Variants in UNC13C observed in about 807,000 individuals in gnomAD.
UNC13C encodes the protein protein unc-13 homolog C.
UNC13C carries 174 observed loss-of-function variants against 245.4 expected under a neutral mutation model. The ratio of observed to expected loss-of-function variants is 0.71; its 90% CI spans 0.63 to 0.80. The LOEUF (loss-of-function observed/expected upper bound fraction) is 0.80, where lower values mean the gene tolerates loss of function less well. Ranked by LOEUF, UNC13C falls within the 30% of genes least tolerant of loss-of-function variation. The probability of loss-of-function intolerance (pLI) is 0.00; values close to 1 mark genes in which losing one functional copy is unlikely to be tolerated. For synonymous variants in UNC13C, 992 were observed against 895.1 expected (o/e 1.11, Z -1.93); for missense variants, 2,829 against 2,602.9 (o/e 1.09, Z -1.89).
downstream of UNC13C, chr15:54,628,695 T>C (rs1566949971): frequency 6.6e-6 from 1 of 152,356 alleles, no homozygotes; most frequent in South Asian, 2.1e-4. Flanking sequence ...TGACCATATG[T>C]AATAGTCTTC....
intron 4 of UNC13C, among the ~76,000 whole-genome samples, chr15:54,229,310 C>A (rs2035483376): frequency 6.6e-6 from 1 of 152,100 alleles, no homozygotes; most frequent in Non-Finnish European, 1.5e-5. Flanking sequence ...GAAGTTAAAA[C>A]CAAGTATTAT....
intron 19 of UNC13C, among the ~76,000 whole-genome samples, chr15:54,458,522 A>G (rs1308131288): frequency 2.6e-5 from 4 of 151,978 alleles, no homozygotes; most frequent in Admixed American, 2.6e-4. Context: ...GTTGCCATCT[A>G]TCTCATTTCT....
intron 19 of UNC13C, among the ~76,000 whole-genome samples, chr15:54,445,911 A>T (rs8035300): frequency 0.081 from 12,359 of 151,860 alleles, 592 homozygotes; most frequent in African/African-American, 0.13. Flanking sequence ...TCTTCTAGGG[A>T]TTTTATGGTT....
chr15:54,234,705 C>CT (rs1166153648), intron 4 of UNC13C, among the ~76,000 whole-genome samples: 4 of 152,120 alleles, frequency 2.6e-5, no homozygotes. Flanking sequence ...CTGTTTCCTC[C>CT]TGGAGGTAAG....
intron 30 of UNC13C, among the ~76,000 whole-genome samples, chr15:54,607,613 G>C (rs1899838046): frequency 1.3e-5 from 2 of 152,152 alleles, no homozygotes; most frequent in African/African-American, 4.8e-5. Flanking sequence ...AATTTATGAA[G>C]AAAAGAGGGT....
At chr15:54,180,151 C>T (rs1458910610) in intron 4 of UNC13C, among the ~76,000 whole-genome samples, 1 of 151,910 alleles carries the variant, frequency 6.6e-6, no homozygotes, top group African/African-American at 2.4e-5. Flanking sequence ...TAAACCTTTG[C>T]CTCTTCTCTT....
At chr15:53,967,241 T>C in the UNC13C span, among the ~76,000 whole-genome samples, 2 of 152,156 alleles carry the variant, frequency 1.3e-5, no homozygotes, top group African/African-American at 4.8e-5. Context: ...ACTCATTTTT[T>C]TTCCTGTAGC....
At chr15:53,894,987 A>G in the UNC13C span, among the ~76,000 whole-genome samples, 2 of 138,898 alleles carry the variant, frequency 1.4e-5, no homozygotes, top group African/African-American at 2.7e-5. Flanking sequence ...ATTACATTAG[A>G]TATCACTAGA....
the UNC13C span, among the ~76,000 whole-genome samples, chr15:53,910,148 C>T: frequency 6.9e-6 from 1 of 145,200 alleles, no homozygotes; most frequent in African/African-American, 2.5e-5. Flanking sequence ...TCCTTAGCTA[C>T]TTATCTGGCA....
chr15:54,460,625 C>T lies in UNC13C; in HGVS notation c.4934-33983C>T, dbSNP rs549245057. ...AGGATAAGTACTTGGGTTTCTCAGG[C>T]AATGGGCAGGGTCATAGAGCTCCCA... is the stretch of plus-strand genomic sequence containing the variant. On this transcript the variant is annotated intron_variant, in intron 19 of 32. Transcript: ENST00000260323. Among the ~76,000 whole-genome samples, 9 of 152,340 alleles carry T rather than the reference C, an allele frequency of 5.9e-5. No individual in the cohort carries two copies. The East Asian group carries it at 1.5e-3, about 26-fold the overall frequency.
chr15:53,879,914 G>GTA, the UNC13C span, among the ~76,000 whole-genome samples: 1 of 151,842 alleles, frequency 6.6e-6, no homozygotes, highest in African/African-American at 2.4e-5. Flanking sequence ...AAGACATACG[G>GTA]TATAGTGGAA....
At chr15:54,406,800 T>C (rs555773546) in intron 18 of UNC13C, among the ~76,000 whole-genome samples, 20 of 152,304 alleles carry the variant, frequency 1.3e-4, no homozygotes, top group Non-Finnish European at 2.8e-4. Flanking sequence ...ATTTAATCAT[T>C]GCTAATTCTG....
chr15:54,448,409 A>C (rs1429696532), intron 19 of UNC13C, among the ~76,000 whole-genome samples: 2 of 152,158 alleles, frequency 1.3e-5, no homozygotes, highest in Non-Finnish European at 2.9e-5. Context: ...TTGGGAGTCT[A>C]AGTCTCTTTG....
intron 18 of UNC13C, among the ~76,000 whole-genome samples, chr15:54,402,764 T>G (rs192150309): frequency 6.6e-6 from 1 of 152,312 alleles, no homozygotes; most frequent in African/African-American, 2.4e-5. Context: ...AATCAAAATG[T>G]AAGCAGCCCT....
the UNC13C span, among the ~76,000 whole-genome samples, chr15:53,872,900 G>A: frequency 3.3e-5 from 5 of 152,134 alleles, no homozygotes; most frequent in South Asian, 4.1e-4. Context: ...TCAGCAAACT[G>A]AACTTATTGA....
At chr15:54,281,192 G>A (rs774173625) in intron 10 of UNC13C, among the ~76,000 whole-genome samples, 5 of 152,082 alleles carry the variant, frequency 3.3e-5, no homozygotes, top group Non-Finnish European at 7.4e-5. Context: ...TTTATAAAGT[G>A]CTATTATTTT....
At chr15:54,486,138 G>A (rs1215972678) in intron 19 of UNC13C, among the ~76,000 whole-genome samples, 2 of 151,796 alleles carry the variant, frequency 1.3e-5, no homozygotes, top group African/African-American at 4.8e-5. Flanking sequence ...GGCCGGGCAT[G>A]GTGGCTCATG....
At chr15:53,925,499 A>G in the UNC13C span, among the ~76,000 whole-genome samples, 1 of 152,144 alleles carries the variant, frequency 6.6e-6, no homozygotes, top group Non-Finnish European at 1.5e-5. Flanking sequence ...GAAAAAACTC[A>G]CTTTAGAGCT....
intron 13 of UNC13C, among the ~76,000 whole-genome samples, chr15:54,313,538 G>A (rs745597945): frequency 3.3e-5 from 5 of 151,662 alleles, no homozygotes; most frequent in Middle Eastern, 3.4e-3. Context: ...AATTCAACTT[G>A]TTTTTTTATT....
Sources: gnomAD v4.1 joint callset for allele counts (sites outside exome capture counted in the v4.1 genomes callset) on GRCh38, gnomAD v4.1.1 for gene constraint, MANE v1.5 for transcripts, NCBI Gene and HGNC (gene_info 2026-07-23, HGNC 2026-07-21) for gene names.